The following ENOX1 variants were observed in gnomAD, a reference collection of about 807,000 sequenced individuals.
The protein encoded by ENOX1 is ecto-NOX disulfide-thiol exchanger 1.
In ENOX1, 42 loss-of-function variants were observed where a neutral mutation model predicts 82.5. The observed-to-expected ratio is 0.51, with a 90% CI of 0.40 to 0.66. ENOX1 has a LOEUF of 0.66. ENOX1 is among the 30% of genes least tolerant of loss of function. The pLI is 0.00. For synonymous variants in ENOX1, 271 were observed against 282.2 expected, an observed-to-expected ratio of 0.96 and a Z score of 0.40; for missense variants, 608 against 811.6, an observed-to-expected ratio of 0.75 and a Z score of 3.05.
At chr13:43,430,497 C>A (rs998668616) in intron 3 of ENOX1, among the ~76,000 whole-genome samples, 7 of 151,976 alleles carry the variant, frequency 4.6e-5, no homozygotes, top group African/African-American at 1.7e-4. Context: ...TCAGAGAACA[C>A]CTTTCTTGAT....
intron 1 of ENOX1, among the ~76,000 whole-genome samples, chr13:43,764,130 G>A (rs1015116401): frequency 2.0e-5 from 3 of 152,176 alleles, no homozygotes; most frequent in Non-Finnish European, 2.9e-5. Flanking sequence ...TTGCCAAAAC[G>A]AGGTCAGTGA....
At chr13:43,740,994 A>G (rs545439144) in intron 1 of ENOX1, among the ~76,000 whole-genome samples, 9 of 152,240 alleles carry the variant, frequency 5.9e-5, no homozygotes, top group African/African-American at 2.2e-4. Context: ...TCTCGGGTAA[A>G]TATCTAGGAG....
intron 2 of ENOX1, among the ~76,000 whole-genome samples, chr13:43,504,307 C>T (rs569600385): frequency 6.6e-6 from 1 of 151,706 alleles, no homozygotes; most frequent in Non-Finnish European, 1.5e-5. Flanking sequence ...TAGTAGAAAT[C>T]CCACTTCTGA....
At chr13:43,779,880 G>A (rs1952151819) in intron 1 of ENOX1, among the ~76,000 whole-genome samples, 1 of 152,118 alleles carries the variant, frequency 6.6e-6, no homozygotes, top group Non-Finnish European at 1.5e-5. Context: ...CATGAGGCCG[G>A]GCGTGGTGGC....
At chr13:43,719,580 G>C (rs901006989) in intron 1 of ENOX1, among the ~76,000 whole-genome samples, 20 of 152,050 alleles carry the variant, frequency 1.3e-4, no homozygotes, top group African/African-American at 4.6e-4. Flanking sequence ...CAAGTCTTAT[G>C]GCACTCATAG....
chr13:43,766,321 G>T (rs1951260963), intron 1 of ENOX1, among the ~76,000 whole-genome samples: 1 of 152,202 alleles, frequency 6.6e-6, no homozygotes, highest in Non-Finnish European at 1.5e-5. Flanking sequence ...GGTAACTGCG[G>T]ACTGTATGTT....
chr13:43,578,849 C>T (rs1426726925), intron 2 of ENOX1, among the ~76,000 whole-genome samples: 1 of 152,048 alleles, frequency 6.6e-6, no homozygotes, highest in Non-Finnish European at 1.5e-5. Flanking sequence ...CACCTTTGAT[C>T]TCCTCCCCCA....
intron 2 of ENOX1, among the ~76,000 whole-genome samples, chr13:43,580,125 A>G (rs1358425393): frequency 6.6e-6 from 1 of 152,246 alleles, no homozygotes; most frequent in African/African-American, 2.4e-5. Flanking sequence ...TTCTACATGT[A>G]CATCATCAGA....
chr13:43,654,552 A>G (rs1026033870), intron 2 of ENOX1, among the ~76,000 whole-genome samples: 3 of 152,190 alleles, frequency 2.0e-5, no homozygotes, highest in Admixed American at 6.5e-5. Context: ...GTGGATGGGT[A>G]AGTGCTGGTT....
intron 2 of ENOX1, among the ~76,000 whole-genome samples, chr13:43,586,000 C>A (rs1050290816): frequency 6.6e-6 from 1 of 152,166 alleles, no homozygotes; most frequent in African/African-American, 2.4e-5. Context: ...GAATATGTAT[C>A]ATCTGAAATA....
intron 11 of ENOX1, among the ~76,000 whole-genome samples, chr13:43,316,903 A>G (rs1000495862): frequency 1.3e-5 from 2 of 152,208 alleles, no homozygotes; most frequent in African/African-American, 4.8e-5. Context: ...TTTAAGCCAC[A>G]TTAGTTCTGA....
At chr13:43,251,924 A>G (rs1246864885) in intron 14 of ENOX1, among the ~76,000 whole-genome samples, 1 of 152,162 alleles carries the variant, frequency 6.6e-6, no homozygotes, top group African/African-American at 2.4e-5. Flanking sequence ...TGAGACTTAT[A>G]TGTTATGCAT....
intron 3 of ENOX1, among the ~76,000 whole-genome samples, chr13:43,444,409 C>A (rs374002373): frequency 6.6e-6 from 1 of 152,186 alleles, no homozygotes; most frequent in African/African-American, 2.4e-5. Flanking sequence ...TCACAGACGG[C>A]AAAGGAAGAG....
At chr13:43,755,281 T>G (rs1424301645) in intron 1 of ENOX1, among the ~76,000 whole-genome samples, 2 of 152,146 alleles carry the variant, frequency 1.3e-5, no homozygotes, top group Non-Finnish European at 2.9e-5. Flanking sequence ...AATGACATGC[T>G]ATATGAAGGG....
intron 1 of ENOX1, among the ~76,000 whole-genome samples, chr13:43,772,693 G>A (rs899131394): frequency 5.4e-5 from 8 of 148,640 alleles, no homozygotes; most frequent in Admixed American, 5.4e-4. Flanking sequence ...AGGTTGCAGT[G>A]AGCTGAGACT....
intron 3 of ENOX1, among the ~76,000 whole-genome samples, chr13:43,432,428 C>T (rs79893220): frequency 1.1e-3 from 162 of 152,144 alleles, no homozygotes; most frequent in African/African-American, 3.6e-3. Flanking sequence ...ATCAATTTGA[C>T]GCCAGTTCGA....
At chr13:43,582,979 A>T (rs1210696090) in intron 2 of ENOX1, among the ~76,000 whole-genome samples, 2 of 150,302 alleles carry the variant, frequency 1.3e-5, no homozygotes, top group Non-Finnish European at 2.9e-5. Context: ...AACTGGACAC[A>T]CATGCACAGA....
rs34023929 is a variant in ENOX1 at position 43,630,860 on chromosome 13, T to TATATACACACACAC, written c.-219+36618_-219+36619insGTGTGTGTGTATAT. On this transcript the variant is annotated intron_variant, in intron 2 of 16. Coordinates refer to ENST00000690772, the MANE Select transcript of ENOX1 (RefSeq NM_001347969.2). ...CCACACACACACATATATATATATA[T>TATATACACACACAC]ACACACACACACACATATATATACA... Among the ~76,000 whole-genome samples the TATATACACACACAC allele has an allele frequency of 1.1e-3, 159 of 147,792 alleles. 1 individual carries two copies. The highest frequency in any genetic ancestry group is 3.9e-3 in the African/African-American group (154 of 39,968).
chr13:43,510,356 G>T (rs2077322505), intron 2 of ENOX1, among the ~76,000 whole-genome samples: 1 of 152,198 alleles, frequency 6.6e-6, no homozygotes, highest in East Asian at 1.9e-4. Flanking sequence ...TTCCATGAGA[G>T]CAAGAATGTT....
Sources: allele counts gnomAD v4.1 joint callset (sites outside exome capture counted in the v4.1 genomes callset), GRCh38; gene constraint gnomAD v4.1.1; transcripts MANE v1.5; gene names NCBI Gene and HGNC (gene_info 2026-07-23, HGNC 2026-07-21).